RIPOR3: variants seen among roughly 807,000 people sequenced by gnomAD.
RIPOR3 encodes the protein RIPOR family member 3, also known as family with sequence similarity 65 member C.
A neutral mutation model predicts 114.3 loss-of-function variants in RIPOR3; 95 were observed. That is an observed-to-expected ratio of 0.83 (90% confidence interval 0.70 to 0.99). The LOEUF (loss-of-function observed/expected upper bound fraction) is 0.99. RIPOR3 is among the 50% of genes least tolerant of loss of function. The pLI, the probability that RIPOR3 is intolerant of heterozygous loss-of-function variation, is 0.00. For synonymous variants in RIPOR3, 575 were observed against 543.8 expected, an observed-to-expected ratio of 1.06 and a Z score of -0.80; for missense variants, 1,252 against 1,266.9, an observed-to-expected ratio of 0.99 and a Z score of 0.18.
chr20:50,613,231 T>G (rs1289070311), intron 4 of RIPOR3, among the ~76,000 whole-genome samples: 2 of 152,114 alleles, frequency 1.3e-5, no homozygotes, highest in Non-Finnish European at 2.9e-5. Context: ...GTGGATCACC[T>G]GAGGTCAGGA....
At chr20:50,619,707 C>T (rs145702197) in intron 3 of RIPOR3, among the ~76,000 whole-genome samples, 242 of 152,184 alleles carry the variant, frequency 1.6e-3, no homozygotes, top group African/African-American at 5.5e-3. Flanking sequence ...TGATTGATTG[C>T]ATTGCTTCTT....
rs149613566 is a variant in RIPOR3, at chr20:50,661,549, C to A, written c.3+29577G>T. Among the ~76,000 whole-genome samples the A allele has an allele frequency of 4.1e-4, 62 of 152,282 alleles. 1 individual carries two copies. The East Asian group carries it at 0.011, about 27-fold the overall frequency. On this transcript the variant is annotated intron_variant, in intron 1 of 21. Transcript: ENST00000327979. Reference sequence around the variant, plus strand: ...GTTTACTTTCAAAACAGTGTCCCTGCAAGTCCCAAGTGACAAGTTCCCCTT... The same window carrying A: ...GTTTACTTTCAAAACAGTGTCCCTGAAAGTCCCAAGTGACAAGTTCCCCTT...
chr20:50,589,630 C>T (rs1226350067), intron 20 of RIPOR3, 56 bp downstream of exon 20: 2 of 1,566,480 alleles, frequency 1.3e-6, no homozygotes, highest in Non-Finnish European at 1.7e-6. Context: ...CTAACCTTAA[C>T]CCTAACCACA....
chr20:50,670,356 C>A (rs2086427092), intron 1 of RIPOR3, among the ~76,000 whole-genome samples: 1 of 150,738 alleles, frequency 6.6e-6, no homozygotes, highest in East Asian at 2.0e-4. Flanking sequence ...CATCAACACC[C>A]AGACACCCCC....
chr20:50,622,802 G>T (rs1228537706), intron 2 of RIPOR3, among the ~76,000 whole-genome samples: 3 of 152,156 alleles, frequency 2.0e-5, no homozygotes, highest in African/African-American at 7.2e-5. Context: ...CCAAGGCTCT[G>T]TCTTTTCACT....
chr20:50,662,892 C>T lies in RIPOR3; in HGVS notation c.3+28234G>A, dbSNP rs375291538. On this transcript the variant is annotated intron_variant, in intron 1 of 21. Transcript: ENST00000327979. ...GGTGGGTCACTTGAGGTCAGGAGTT[C>T]GAGACCAGCCTGGCCAACATGGTGA... is the stretch of plus-strand genomic sequence containing the variant. 2.1e-4 allele frequency among the ~76,000 whole-genome samples: 32 copies of T among 152,202 alleles called. No individual in the cohort carries two copies. The East Asian group carries it at 5.2e-3, about 25-fold the overall frequency.
intron 14 of RIPOR3, 182 bp downstream of exon 14, chr20:50,597,398 C>G: frequency 1.1e-6 from 1 of 870,136 alleles, no homozygotes; most frequent in Non-Finnish European, 1.7e-6. Context: ...CTCTGAGGAC[C>G]GGCTCTGAGG....
intron 1 of RIPOR3, among the ~76,000 whole-genome samples, chr20:50,674,979 A>G (rs922376872): frequency 2.0e-5 from 3 of 152,094 alleles, no homozygotes; most frequent in African/African-American, 7.2e-5. Flanking sequence ...TTAGCCAGCC[A>G]TGGTGGGAGG....
chr20:50,607,352 T>C (rs946998062), intron 11 of RIPOR3, among the ~76,000 whole-genome samples: 1 of 136,520 alleles, frequency 7.3e-6, no homozygotes, highest in Non-Finnish European at 1.7e-5. Context: ...ATGCTCAGCC[T>C]GGCCCGTGAT....
chr20:50,602,067 C>T lies in RIPOR3; in HGVS notation c.1659+5G>A, dbSNP rs1238411229. 4 of 1,535,074 alleles carry T rather than the reference C, an allele frequency of 2.6e-6. No homozygotes were observed. Among genetic ancestry groups the T allele is most frequent in the Non-Finnish European group, 3.5e-6 (4 of 1,142,888 alleles). On this transcript the variant is annotated splice_donor_5th_base_variant and intron_variant, in intron 13 of 21. Transcript: ENST00000327979. This position sits in a 1 kb window ranked among gnomAD's most constrained non-coding sequence, Gnocchi z 4.3. Reference sequence around the variant, plus strand: ...GGGCCACCGCCCGGGGCGGGGTGGCCATACCTTCAGCCGGTCCCGGAAGCC... The same window carrying T: ...GGGCCACCGCCCGGGGCGGGGTGGCTATACCTTCAGCCGGTCCCGGAAGCC...
At chr20:50,604,554 C>G (rs1024368331) in intron 12 of RIPOR3, 91 bp downstream of exon 12, 18 of 1,463,684 alleles carry the variant, frequency 1.2e-5, no homozygotes, top group Admixed American at 7.9e-5. Flanking sequence ...CTTGCCATGT[C>G]TGGGAGGGCC....
intron 1 of RIPOR3, among the ~76,000 whole-genome samples, chr20:50,672,213 C>A (rs191084960): frequency 2.6e-5 from 4 of 152,286 alleles, no homozygotes; most frequent in Admixed American, 2.0e-4. Flanking sequence ...CCTAGGAAAG[C>A]CCCTCACCAA....
intron 2 of RIPOR3, among the ~76,000 whole-genome samples, chr20:50,626,759 C>T (rs185640079): frequency 5.5e-4 from 84 of 152,316 alleles, no homozygotes; most frequent in African/African-American, 1.9e-3. Flanking sequence ...CGGTGGCTCA[C>T]GTCTGTAATC....
chr20:50,593,003 T>G (rs759602074), intron 18 of RIPOR3, 32 bp downstream of exon 18: 7 of 1,611,382 alleles, frequency 4.3e-6, no homozygotes, highest in Non-Finnish European at 5.9e-6. Flanking sequence ...TGGATATTCC[T>G]CTGCTATGAC....
intron 3 of RIPOR3, among the ~76,000 whole-genome samples, chr20:50,618,270 C>CAAAA (rs61215608): frequency 0.017 from 1,143 of 67,378 alleles, 175 homozygotes; most frequent in African/African-American, 0.062. Flanking sequence ...GACTCCGTCT[C>CAAAA]AAAAAAAAAA....
intron 1 of RIPOR3, among the ~76,000 whole-genome samples, chr20:50,631,585 T>G (rs568973121): frequency 5.9e-5 from 9 of 152,146 alleles, no homozygotes; most frequent in Non-Finnish European, 1.2e-4. Flanking sequence ...GGCCTTACAA[T>G]GGGGCAAGGG....
chr20:50,589,100 AAAAAAAAAAAAAAG>A (rs2083026386), intron 20 of RIPOR3, among the ~76,000 whole-genome samples: 1 of 150,300 alleles, frequency 6.7e-6, no homozygotes, highest in Admixed American at 6.6e-5. Flanking sequence ...AAAAAAAAAA[AAAAAAAAAAAAAAG>A]CTAAAGTGCT....
chr20:50,589,814 G>A (rs1376687020), intron 19 of RIPOR3, 45 bp from the exon 20 acceptor site: 15 of 1,570,254 alleles, frequency 9.6e-6, no homozygotes, highest in East Asian at 4.5e-5. Flanking sequence ...AAGCAGAAGT[G>A]GAGTCCATGG....
At chr20:50,598,378 G>A (rs905923151) in intron 13 of RIPOR3, among the ~76,000 whole-genome samples, 1 of 151,918 alleles carries the variant, frequency 6.6e-6, no homozygotes, top group Non-Finnish European at 1.5e-5. Flanking sequence ...CTCGTGGCTG[G>A]CTCTGGGGCT....
Sources: allele counts gnomAD v4.1 joint callset (sites outside exome capture counted in the v4.1 genomes callset), GRCh38; gene constraint gnomAD v4.1.1; non-coding constraint Gnocchi (gnomAD v3.1); transcripts MANE v1.5; gene names NCBI Gene and HGNC (gene_info 2026-07-23, HGNC 2026-07-21).